Variants in LPP observed in about 807,000 individuals in gnomAD.
The protein encoded by LPP is LIM domain containing preferred translocation partner in lipoma.
In LPP, 38 loss-of-function variants were observed where a neutral mutation model predicts 60.4. The ratio of observed to expected loss-of-function variants is 0.63; its 90% CI spans 0.49 to 0.83. The LOEUF (loss-of-function observed/expected upper bound fraction) is 0.83, where lower values mean the gene tolerates loss of function less well. Among genes scored for constraint, LPP ranks in the 40% least tolerant of loss-of-function variants. The pLI is 0.00. For missense variants in LPP, 902 were observed against 783.6 expected (o/e 1.15, Z -1.80); for synonymous variants, 328 against 290.8 (o/e 1.13, Z -1.30).
chr3:188,673,564 G>A (rs1467824766), intron 7 of LPP, among the ~76,000 whole-genome samples: 1 of 152,076 alleles, frequency 6.6e-6, no homozygotes, highest in Non-Finnish European at 1.5e-5. Context: ...ATTATGGGTA[G>A]GGGGCATTTT....
chr3:188,181,906 A>G (rs1432666564), intron 1 of LPP, among the ~76,000 whole-genome samples: 1 of 152,172 alleles, frequency 6.6e-6, no homozygotes, highest in Non-Finnish European at 1.5e-5. Flanking sequence ...ACTGTTTTGT[A>G]ATTGTTCTCT....
intron 9 of LPP, among the ~76,000 whole-genome samples, chr3:188,769,537 C>T (rs1205835535): frequency 6.6e-6 from 1 of 152,198 alleles, no homozygotes; most frequent in African/African-American, 2.4e-5. Flanking sequence ...ACCGTATTAA[C>T]TGCTGTTGTC....
chr3:188,282,580 GCATAAGT>G (rs1742472939), intron 2 of LPP, among the ~76,000 whole-genome samples: 1 of 151,988 alleles, frequency 6.6e-6, no homozygotes, highest in Admixed American at 6.6e-5. Flanking sequence ...AATGCTCCTG[GCATAAGT>G]GACATCCCTG....
At chr3:188,290,583 T>C (rs1745615964) in intron 2 of LPP, among the ~76,000 whole-genome samples, 2 of 151,976 alleles carry the variant, frequency 1.3e-5, no homozygotes, top group Admixed American at 6.6e-5. Context: ...TTTAGGACTG[T>C]TCATGTTCCC....
chr3:188,842,650 A>G (rs1343509573), intron 9 of LPP, among the ~76,000 whole-genome samples: 2 of 151,854 alleles, frequency 1.3e-5, no homozygotes, highest in African/African-American at 4.8e-5. Context: ...TCCTATTTTT[A>G]TTTATTCATT....
chr3:188,438,631 A>G (rs1792977810), intron 4 of LPP, among the ~76,000 whole-genome samples: 1 of 152,176 alleles, frequency 6.6e-6, no homozygotes. Flanking sequence ...TACCTGCAGA[A>G]CAGGACTAGA....
chr3:188,606,114 A>G (rs1010245596), intron 6 of LPP, among the ~76,000 whole-genome samples: 1 of 152,176 alleles, frequency 6.6e-6, no homozygotes, highest in Admixed American at 6.5e-5. Context: ...ACTGTCAAGA[A>G]CGGTCACAGA....
chr3:188,625,955 C>G (rs1560664390), intron 7 of LPP, among the ~76,000 whole-genome samples: 1 of 152,090 alleles, frequency 6.6e-6, no homozygotes. Flanking sequence ...GGATTTCTAA[C>G]AAACCGAATG....
intron 7 of LPP, among the ~76,000 whole-genome samples, chr3:188,633,216 A>G (rs1848154405): frequency 6.6e-6 from 1 of 152,338 alleles, no homozygotes; most frequent in South Asian, 2.1e-4. Context: ...TTCACCACAT[A>G]TGCTGGTAGC....
At chr3:188,302,747 TA>T (rs1379423246) in intron 2 of LPP, among the ~76,000 whole-genome samples, 6 of 152,230 alleles carry the variant, frequency 3.9e-5, no homozygotes, top group Non-Finnish European at 7.3e-5. Flanking sequence ...TATTGTAATA[TA>T]TTTTGCCAGG....
chr3:188,779,255 A>G (rs1246327374), intron 9 of LPP, among the ~76,000 whole-genome samples: 1 of 152,176 alleles, frequency 6.6e-6, no homozygotes, highest in Admixed American at 6.5e-5. Flanking sequence ...AGATAGGGGT[A>G]TTGCAGACAT....
intron 9 of LPP, among the ~76,000 whole-genome samples, chr3:188,840,503 T>A (rs938580549): frequency 3.9e-5 from 6 of 152,110 alleles, no homozygotes; most frequent in Non-Finnish European, 5.9e-5. Context: ...ACACAAGGAC[T>A]TTATTTATTT....
chr3:188,334,357 G>GTT (rs71167094), intron 2 of LPP, among the ~76,000 whole-genome samples: 66 of 132,522 alleles, frequency 5.0e-4, no homozygotes, highest in East Asian at 1.8e-3. Context: ...TATTGAAAAT[G>GTT]TTTTTTTTTT....
intron 8 of LPP, among the ~76,000 whole-genome samples, chr3:188,729,437 C>A (rs1719615658): frequency 6.6e-6 from 1 of 152,152 alleles, no homozygotes; most frequent in Non-Finnish European, 1.5e-5. Context: ...GAAGGGATAA[C>A]CATTTCTACT....
At chr3:188,508,289 A>G (rs531830918) in intron 5 of LPP, among the ~76,000 whole-genome samples, 2 of 152,344 alleles carry the variant, frequency 1.3e-5, no homozygotes, top group African/African-American at 4.8e-5. Context: ...TGGCAAATGG[A>G]AGAATCCTTT....
intron 4 of LPP, among the ~76,000 whole-genome samples, chr3:188,469,974 TATTTTTAA>T (rs1801408005): frequency 6.6e-6 from 1 of 152,136 alleles, no homozygotes; most frequent in Non-Finnish European, 1.5e-5. Flanking sequence ...CAGGGTGTTG[TATTTTTAA>T]ATTTAAATAC....
intron 2 of LPP, among the ~76,000 whole-genome samples, chr3:188,335,067 T>C (rs1761271709): frequency 6.6e-6 from 1 of 152,238 alleles, no homozygotes; most frequent in South Asian, 2.1e-4. Flanking sequence ...GTTCAAGAAC[T>C]ATCTTGAATA....
At chr3:188,192,637 G>A (rs1728487325) in intron 1 of LPP, among the ~76,000 whole-genome samples, 1 of 152,218 alleles carries the variant, frequency 6.6e-6, no homozygotes, top group South Asian at 2.1e-4. Context: ...TAAGTGACTT[G>A]CACAAAGTCA....
chr3:188,791,538 G>A (rs971976516), intron 9 of LPP, among the ~76,000 whole-genome samples: 1 of 151,604 alleles, frequency 6.6e-6, no homozygotes, highest in African/African-American at 2.4e-5. Context: ...AAATGCTTTT[G>A]TATCTCTCTA....
Sources: allele counts gnomAD v4.1 joint callset (sites outside exome capture counted in the v4.1 genomes callset), GRCh38; gene constraint gnomAD v4.1.1; transcripts MANE v1.5; gene names NCBI Gene and HGNC (gene_info 2026-07-23, HGNC 2026-07-21).